FLT1: variants seen among roughly 807,000 people sequenced by gnomAD.
FLT1 encodes vascular endothelial growth factor receptor 1.
FLT1 carries 49 observed loss-of-function variants against 156.3 expected under a neutral mutation model. The observed-to-expected ratio is 0.31, with a 90% confidence interval of 0.25 to 0.40. The LOEUF (loss-of-function observed/expected upper bound fraction) is 0.40, where lower values mean the gene tolerates loss of function less well. Among genes scored for constraint, FLT1 ranks in the 10% least tolerant of loss-of-function variants. FLT1 has a pLI of 1.00. For synonymous variants in FLT1, 594 were observed against 583.8 expected (o/e 1.02, Z -0.25); for missense variants, 1,322 against 1,637.2 (o/e 0.81, Z 3.32).
chr13:28,389,560 G>T, intron 13 of FLT1: 1 of 1,435,926 alleles, frequency 7.0e-7, no homozygotes, highest in Non-Finnish European at 9.1e-7. Context: ...GGGGCCCAGA[G>T]CTGGGGCCCG....
At chr13:28,412,668 G>C (rs1186364672) in intron 10 of FLT1, among the ~76,000 whole-genome samples, 1 of 149,404 alleles carries the variant, frequency 6.7e-6, no homozygotes, top group Non-Finnish European at 1.5e-5. Context: ...TGATCCACCC[G>C]CCTTGGCCTC....
intron 3 of FLT1, among the ~76,000 whole-genome samples, chr13:28,447,040 C>T (rs943852569): frequency 1.3e-5 from 2 of 151,818 alleles, no homozygotes; most frequent in Admixed American, 1.3e-4. Flanking sequence ...ATAATCTTTT[C>T]AACAAATGGT....
chr13:28,368,430 G>A (rs1593713748), intron 14 of FLT1: 4 of 1,472,856 alleles, frequency 2.7e-6, no homozygotes, highest in East Asian at 2.5e-5. Context: ...GGGATTACAG[G>A]CGTGAGCCAC....
intron 11 of FLT1, among the ~76,000 whole-genome samples, chr13:28,401,067 A>T (rs545092592): frequency 6.6e-6 from 1 of 152,258 alleles, no homozygotes; most frequent in Non-Finnish European, 1.5e-5. Flanking sequence ...CTCTACTATA[A>T]ATACAAAAAT....
intron 24 of FLT1, 59 bp downstream of exon 24, chr13:28,319,364 G>T: frequency 9.0e-7 from 1 of 1,116,010 alleles, no homozygotes. Flanking sequence ...AGGACATTCA[G>T]CAGAAGATGC....
intron 14 of FLT1, among the ~76,000 whole-genome samples, chr13:28,372,694 C>T (rs1440100460): frequency 2.0e-5 from 3 of 148,512 alleles, no homozygotes; most frequent in East Asian, 2.1e-4. Context: ...CCATCCTGGC[C>T]AACATGGTGA....
intron 15 of FLT1, among the ~76,000 whole-genome samples, chr13:28,349,459 CAT>C (rs1491236194): frequency 0.01 from 1,332 of 127,556 alleles, 19 homozygotes; most frequent in African/African-American, 0.03. Context: ...CACACACACA[CAT>C]GCGCACACGC....
At chr13:28,306,812 C>T (rs537846722) in intron 28 of FLT1, 40 bp from the exon 29 acceptor site, 2 of 1,372,478 alleles carry the variant, frequency 1.5e-6, no homozygotes, top group African/African-American at 1.4e-5. Context: ...TTGCCTGGCC[C>T]AGCGGGGGTC....
chr13:28,367,685 C>T (rs76385839), intron 14 of FLT1, among the ~76,000 whole-genome samples: 2,275 of 152,240 alleles, frequency 0.015, 58 homozygotes, highest in African/African-American at 0.052. Context: ...AAATGCAGGC[C>T]ATGTGTTTGC....
chr13:28,352,467 T>A (rs529960080), intron 15 of FLT1, among the ~76,000 whole-genome samples: 1 of 152,360 alleles, frequency 6.6e-6, no homozygotes, highest in East Asian at 1.9e-4. Context: ...GCCTAGTTTC[T>A]ACGGAAGGAA....
chr13:28,329,673 G>A lies in FLT1; in HGVS notation c.2649C>T (p.Thr883=), dbSNP rs967280621. 1.9e-6 allele frequency: 3 copies of A among 1,614,106 alleles called. No individual in the cohort carries two copies. The highest frequency in any genetic ancestry group is 2.5e-6 in the Non-Finnish European group (3 of 1,180,046). The change falls in exon 19 of 30, where the codon ACC becomes ACT. Residue 883 remains threonine (T), a synonymous_variant. Transcript: ENST00000282397. The part of the protein sequence containing the change: ...KALMTELKIL[T]HIGHHLNVVN... Reference sequence around the variant, plus strand: ...CCACGTTCAGATGGTGGCCAATGTGGGTCAAGATTTTTAGCTCAGTCATCA... The same window carrying A: ...CCACGTTCAGATGGTGGCCAATGTGAGTCAAGATTTTTAGCTCAGTCATCA...
At chr13:28,355,317 G>T (rs1872860741) in intron 15 of FLT1, among the ~76,000 whole-genome samples, 1 of 152,282 alleles carries the variant, frequency 6.6e-6, no homozygotes, top group African/African-American at 2.4e-5. Context: ...ATAGGATTAA[G>T]TATGTCACAA....
intron 20 of FLT1, among the ~76,000 whole-genome samples, chr13:28,326,289 A>G (rs543382920): frequency 5.9e-5 from 9 of 152,278 alleles, no homozygotes; most frequent in African/African-American, 2.2e-4. Flanking sequence ...CCCAGATTTC[A>G]TGAGAAGTAG....
At chr13:28,305,743 C>G (rs1870716076) in intron 29 of FLT1, among the ~76,000 whole-genome samples, 1 of 152,210 alleles carries the variant, frequency 6.6e-6, no homozygotes, top group Non-Finnish European at 1.5e-5. Flanking sequence ...CCAACACAAA[C>G]TCGTAAACTT....
intron 13 of FLT1, 117 bp from the exon 14 acceptor site, chr13:28,385,148 T>C: frequency 9.4e-7 from 1 of 1,060,368 alleles, no homozygotes; most frequent in Non-Finnish European, 1.4e-6. Context: ...TAGGTTTCAT[T>C]TTCATTTGTT....
In FLT1 at chr13:28,311,589, C is replaced by T. The variant is rs778089603; in HGVS notation, c.3635+1G>A. The T allele has an allele frequency of 6.2e-7, 1 of 1,612,086 alleles. No homozygotes were observed. The highest frequency in any genetic ancestry group is 8.5e-7 in the Non-Finnish European group (1 of 1,179,016). On this transcript the variant is annotated splice_donor_variant, in intron 27 of 29. Transcript: ENST00000282397. LOFTEE classifies it high-confidence loss of function. ...TATAAAGTTTGAGAAAGAAATCTTACCTGACATCATCAGAGCTTCCTGAAT... is the reference window on the plus strand; with the variant it reads ...TATAAAGTTTGAGAAAGAAATCTTATCTGACATCATCAGAGCTTCCTGAAT...
intron 18 of FLT1, among the ~76,000 whole-genome samples, chr13:28,331,303 A>T (rs564630014): frequency 6.6e-6 from 1 of 152,380 alleles, no homozygotes; most frequent in South Asian, 2.1e-4. Context: ...GTAGATGCTC[A>T]ACAAATATTT....
intron 29 of FLT1, among the ~76,000 whole-genome samples, chr13:28,304,331 C>G (rs1449955177): frequency 6.6e-6 from 1 of 152,170 alleles, no homozygotes; most frequent in African/African-American, 2.4e-5. Context: ...TCTAATACCA[C>G]TGTGCTCATG....
At chr13:28,460,837 T>C (rs1228130887) in intron 3 of FLT1, among the ~76,000 whole-genome samples, 1 of 151,882 alleles carries the variant, frequency 6.6e-6, no homozygotes, top group Non-Finnish European at 1.5e-5. Flanking sequence ...CACGCACGTA[T>C]GTACTTTACA....
Sources: allele counts gnomAD v4.1 joint callset (sites outside exome capture counted in the v4.1 genomes callset), GRCh38; gene constraint gnomAD v4.1.1; transcripts MANE v1.5; gene names NCBI Gene and HGNC (gene_info 2026-07-23, HGNC 2026-07-21).